The following RGS7 variants were observed in gnomAD, a reference collection of about 807,000 sequenced individuals.
RGS7 encodes regulator of G-protein signaling 7.
A neutral mutation model predicts 81.1 loss-of-function variants in RGS7; 27 were observed. The observed-to-expected ratio is 0.33, with a 90% CI of 0.25 to 0.46. The LOEUF is 0.46. RGS7 is among the 20% of genes least tolerant of loss of function. The probability of loss-of-function intolerance (pLI) is 1.00; values close to 1 mark genes in which losing one functional copy is unlikely to be tolerated. For missense variants in RGS7, 396 were observed against 607.4 expected (o/e 0.65, Z 3.66); for synonymous variants, 208 against 207.7 (o/e 1.00, Z -0.01).
At chr1:240,824,361 A>G (rs1692382294) in intron 10 of RGS7, among the ~76,000 whole-genome samples, 1 of 152,238 alleles carries the variant, frequency 6.6e-6, no homozygotes, top group African/African-American at 2.4e-5. Context: ...TCTGCTTTCA[A>G]AGTTTAAGCA....
chr1:241,070,030 G>C (rs1422453607), intron 3 of RGS7, among the ~76,000 whole-genome samples: 1 of 152,168 alleles, frequency 6.6e-6, no homozygotes, highest in Non-Finnish European at 1.5e-5. Flanking sequence ...TTTCAAAGAG[G>C]TTCAGATGAC....
At chr1:240,834,176 C>T (rs1374098698) in intron 9 of RGS7, among the ~76,000 whole-genome samples, 1 of 152,214 alleles carries the variant, frequency 6.6e-6, no homozygotes, top group Non-Finnish European at 1.5e-5. Context: ...TTTCAGCCCT[C>T]CTCCTCCCGA....
chr1:240,810,402 A>T (rs1394477047), intron 14 of RGS7, among the ~76,000 whole-genome samples: 1 of 151,784 alleles, frequency 6.6e-6, no homozygotes, highest in African/African-American at 2.4e-5. Context: ...AGCCACTAAA[A>T]TGCCTCAAGG....
intron 6 of RGS7, among the ~76,000 whole-genome samples, chr1:240,885,173 G>A (rs879965952): frequency 6.6e-6 from 1 of 152,206 alleles, no homozygotes; most frequent in Non-Finnish European, 1.5e-5. Context: ...CTGATCATTA[G>A]AGAAATGCAA....
At chr1:241,299,116 A>G (rs2079587749) in intron 2 of RGS7, among the ~76,000 whole-genome samples, 3 of 152,334 alleles carry the variant, frequency 2.0e-5, no homozygotes, top group African/African-American at 7.2e-5. Flanking sequence ...TAACGCTACT[A>G]TGTACAAGCT....
intron 2 of RGS7, among the ~76,000 whole-genome samples, chr1:241,345,938 C>T (rs967879038): frequency 6.7e-6 from 1 of 148,184 alleles, no homozygotes; most frequent in Non-Finnish European, 1.5e-5. Context: ...ATCACTTGAC[C>T]CAGGAGGCAG....
At chr1:240,871,299 G>A (rs1664447707) in intron 6 of RGS7, among the ~76,000 whole-genome samples, 2 of 152,164 alleles carry the variant, frequency 1.3e-5, no homozygotes, top group Non-Finnish European at 2.9e-5. Context: ...AGTTTGCCTT[G>A]GAAATATCAC....
chr1:240,842,033 T>A (rs536479125), intron 9 of RGS7, among the ~76,000 whole-genome samples: 1 of 152,054 alleles, frequency 6.6e-6, no homozygotes. Flanking sequence ...TATGAAATAC[T>A]GCACGTAAAA....
intron 2 of RGS7, among the ~76,000 whole-genome samples, chr1:241,278,120 T>C (rs1362436604): frequency 3.3e-5 from 5 of 152,232 alleles, no homozygotes; most frequent in African/African-American, 4.8e-5. Flanking sequence ...CCTTGGGTTA[T>C]TTCCAAACAG....
intron 2 of RGS7, among the ~76,000 whole-genome samples, chr1:241,120,015 G>A (rs1309246741): frequency 1.3e-5 from 2 of 152,188 alleles, no homozygotes; most frequent in African/African-American, 2.4e-5. Flanking sequence ...GTGGCGTGTT[G>A]TAAGTAAATC....
rs530105344 is a variant in RGS7 at position 240,809,641 on chromosome 1, T to C, written c.1082+2277A>G. Among the ~76,000 whole-genome samples the C allele has an allele frequency of 7.2e-4, 109 of 152,334 alleles. No individual in the cohort carries two copies. In the South Asian group the frequency reaches 0.022, roughly 31 times the overall value. On this transcript the variant is annotated intron_variant, in intron 14 of 18. Coordinates refer to ENST00000440928, the MANE Select transcript of RGS7 (RefSeq NM_001364886.1). ...TTCTCATCTATAAAATGAGGCAATA[T>C]TTACATTTTATGTTGTTTTGGTGGT... is the stretch of plus-strand genomic sequence containing the variant.
At chr1:241,185,007 G>T (rs2071967205) in intron 2 of RGS7, among the ~76,000 whole-genome samples, 2 of 152,312 alleles carry the variant, frequency 1.3e-5, no homozygotes, top group South Asian at 4.1e-4. Context: ...ACTTTTGCAG[G>T]AGGTAATATT....
intron 6 of RGS7, among the ~76,000 whole-genome samples, chr1:240,881,945 T>C (rs1464038065): frequency 6.6e-6 from 1 of 151,886 alleles, no homozygotes; most frequent in Non-Finnish European, 1.5e-5. Flanking sequence ...GAGAGAGTCT[T>C]GCTCTGTCAC....
chr1:241,290,083 C>T (rs1202348313), intron 2 of RGS7, among the ~76,000 whole-genome samples: 4 of 152,182 alleles, frequency 2.6e-5, no homozygotes, highest in African/African-American at 9.7e-5. Flanking sequence ...TAGTGGTATA[C>T]ATGCATGCAA....
At chr1:241,251,267 T>C (rs1396090553) in intron 2 of RGS7, among the ~76,000 whole-genome samples, 1 of 152,176 alleles carries the variant, frequency 6.6e-6, no homozygotes, top group Non-Finnish European at 1.5e-5. Flanking sequence ...CCTTTAACTT[T>C]GAAGCCCGGG....
At chr1:241,259,953 G>T (rs1287231131) in intron 2 of RGS7, among the ~76,000 whole-genome samples, 3 of 151,988 alleles carry the variant, frequency 2.0e-5, no homozygotes, top group Admixed American at 2.0e-4. Flanking sequence ...TAAAATGTTG[G>T]TTTTTATCCC....
intron 1 of RGS7, among the ~76,000 whole-genome samples, chr1:241,356,694 C>G (rs1264860463): frequency 6.6e-6 from 1 of 151,336 alleles, no homozygotes; most frequent in African/African-American, 2.4e-5. Context: ...GCCGCGGCGG[C>G]CGCCGGAGCC....
At chr1:241,220,244 T>C (rs900163408) in intron 2 of RGS7, among the ~76,000 whole-genome samples, 1 of 152,224 alleles carries the variant, frequency 6.6e-6, no homozygotes, top group African/African-American at 2.4e-5. Context: ...AGAAACAATC[T>C]TGGCCTAAGT....
intron 2 of RGS7, among the ~76,000 whole-genome samples, chr1:241,182,706 T>C (rs1305170673): frequency 6.8e-6 from 1 of 147,804 alleles, no homozygotes; most frequent in Non-Finnish European, 1.5e-5. Flanking sequence ...TGGAGTGCAG[T>C]GATGTGATCT....
Sources: allele counts gnomAD v4.1 joint callset (sites outside exome capture counted in the v4.1 genomes callset), GRCh38; gene constraint gnomAD v4.1.1; transcripts MANE v1.5; gene names NCBI Gene and HGNC (gene_info 2026-07-23, HGNC 2026-07-21).